The following ASAP1 variants were observed in gnomAD, a reference collection of about 807,000 sequenced individuals.
ASAP1 encodes the protein ArfGAP with SH3 domain, ankyrin repeat and PH domain 1, also known as arf-GAP with SH3 domain, ANK repeat and PH domain-containing protein 1.
A neutral mutation model predicts 145.2 loss-of-function variants in ASAP1; 43 were observed. The ratio of observed to expected loss-of-function variants is 0.30; its 90% CI spans 0.23 to 0.38. The LOEUF (loss-of-function observed/expected upper bound fraction) is 0.38, where lower values mean the gene tolerates loss of function less well. Ranked by LOEUF, ASAP1 falls within the 10% of genes least tolerant of loss-of-function variation. ASAP1 has a pLI of 1.00. For synonymous variants in ASAP1, 546 were observed against 515.5 expected (o/e 1.06, Z -0.80); for missense variants, 1,018 against 1,355.3 (o/e 0.75, Z 3.91).
At chr8:130,394,091 C>T (rs906771495) in intron 2 of ASAP1, among the ~76,000 whole-genome samples, 6 of 152,026 alleles carry the variant, frequency 3.9e-5, no homozygotes, top group Non-Finnish European at 8.8e-5. Flanking sequence ...TGTGTTTGAA[C>T]AATATGAAAT....
intron 3 of ASAP1, among the ~76,000 whole-genome samples, chr8:130,289,818 A>C: frequency 6.6e-6 from 1 of 152,210 alleles, no homozygotes; most frequent in East Asian, 1.9e-4. Flanking sequence ...TGTTTATTAT[A>C]CAACATACCC....
chr8:130,063,780 T>C (rs1393749114), intron 27 of ASAP1, among the ~76,000 whole-genome samples: 2 of 152,130 alleles, frequency 1.3e-5, no homozygotes, highest in Admixed American at 1.3e-4. Flanking sequence ...GGGTTACCAT[T>C]CCACCCCTAT....
chr8:130,154,914 T>C (rs2097655005), intron 12 of ASAP1, among the ~76,000 whole-genome samples: 2 of 152,202 alleles, frequency 1.3e-5, no homozygotes. Flanking sequence ...AATGTCTGAT[T>C]AGAGGTGGCA....
intron 11 of ASAP1, among the ~76,000 whole-genome samples, chr8:130,160,476 T>A (rs759022655): frequency 6.6e-6 from 1 of 152,250 alleles, no homozygotes; most frequent in Non-Finnish European, 1.5e-5. Flanking sequence ...CATTTTGTAA[T>A]TAGTGCTCTG....
intron 12 of ASAP1, among the ~76,000 whole-genome samples, chr8:130,159,438 T>G (rs1310383054): frequency 6.6e-6 from 1 of 151,012 alleles, no homozygotes; most frequent in Admixed American, 6.6e-5. Context: ...CTGGCTAACA[T>G]GGTGAAATCT....
At position 130,092,046 on chromosome 8, in the gene ASAP1, T is replaced by A. The variant is rs757255411; in HGVS notation, c.2499A>T (p.Gly833=). The change falls in exon 25 of 30, where the codon GGA becomes GGT. Residue 833 remains glycine (G), a synonymous_variant. Coordinates refer to ENST00000518721, the MANE Select transcript of ASAP1 (RefSeq NM_018482.4). ...SKKRPPPPPP[G]HKRTLSDPPS... is the part of the protein sequence containing the mutation. Reference sequence around the variant, plus strand: ...GAGGGTCGGATAGGGTTCTCTTGTGTCCGGGTGGTGGGGGAGGAGGCCTCT... The same window carrying A: ...GAGGGTCGGATAGGGTTCTCTTGTGACCGGGTGGTGGGGGAGGAGGCCTCT... 1.3e-6 allele frequency: 2 copies of A among 1,575,876 alleles called. No individual in the cohort carries two copies. The highest frequency in any genetic ancestry group is 1.7e-6 in the Non-Finnish European group (2 of 1,165,604).
intron 1 of ASAP1, among the ~76,000 whole-genome samples, chr8:130,433,721 T>A (rs1042853014): frequency 6.6e-6 from 1 of 152,212 alleles, no homozygotes; most frequent in Non-Finnish European, 1.5e-5. Context: ...CAAATGAGAA[T>A]TCTTATCTCA....
intron 15 of ASAP1, 45 bp from the exon 16 acceptor site, chr8:130,128,135 G>A: frequency 2.0e-6 from 1 of 500,894 alleles, no homozygotes; most frequent in Non-Finnish European, 2.7e-6. Context: ...ATAAGAGCAT[G>A]GTCATTTTTT....
At chr8:130,306,932 T>TG (rs1228870123) in intron 3 of ASAP1, among the ~76,000 whole-genome samples, 2 of 152,220 alleles carry the variant, frequency 1.3e-5, no homozygotes, top group African/African-American at 4.8e-5. Context: ...TCTGAGTGTC[T>TG]GTACTAGCTC....
intron 12 of ASAP1, among the ~76,000 whole-genome samples, chr8:130,157,960 G>A (rs777323558): frequency 2.0e-5 from 3 of 152,114 alleles, no homozygotes; most frequent in Non-Finnish European, 4.4e-5. Flanking sequence ...ATCAGGGCCA[G>A]ATTTTCTTTT....
chr8:130,181,576 C>T (rs568125412), intron 7 of ASAP1, among the ~76,000 whole-genome samples: 2 of 152,276 alleles, frequency 1.3e-5, no homozygotes, highest in African/African-American at 4.8e-5. Flanking sequence ...TCCAAGAATA[C>T]ATTTTAATCA....
At chr8:130,174,069 CAG>C (rs1287904195) in intron 9 of ASAP1, among the ~76,000 whole-genome samples, 1 of 115,530 alleles carries the variant, frequency 8.7e-6, no homozygotes, top group East Asian at 2.6e-4. Flanking sequence ...ACCTGGGTGA[CAG>C]AGTGGCAAGA....
At chr8:130,332,348 GCCCATCCA>G (rs1182893649) in intron 3 of ASAP1, among the ~76,000 whole-genome samples, 1 of 152,124 alleles carries the variant, frequency 6.6e-6, no homozygotes, top group Non-Finnish European at 1.5e-5. Flanking sequence ...TCACCCAGAA[GCCCATCCA>G]CACCACCTGC....
In ASAP1 at chr8:130,076,988, T is replaced by G. The variant is rs560592119; in HGVS notation, c.2643-582A>C. On this transcript the variant is annotated intron_variant, in intron 26 of 29. Coordinates refer to ENST00000518721, the MANE Select transcript of ASAP1 (RefSeq NM_018482.4). Reference sequence around the variant, plus strand: ...GGCACACTCTAAGTGGTGACCCCAATGTAGTGCACAGAAGTAACTCTTCCC... The same window carrying G: ...GGCACACTCTAAGTGGTGACCCCAAGGTAGTGCACAGAAGTAACTCTTCCC... 3.9e-5 allele frequency among the ~76,000 whole-genome samples: 6 copies of G among 152,310 alleles called. No homozygotes were observed. The East Asian group carries it at 1.2e-3, about 29-fold the overall frequency.
chr8:130,209,928 A>G lies in ASAP1; in HGVS notation c.405+4628T>C, dbSNP rs191453937. 4.6e-5 allele frequency among the ~76,000 whole-genome samples: 7 copies of G among 152,366 alleles called. No homozygotes were observed. The East Asian group carries it at 1.3e-3, about 29-fold the overall frequency. ...ACTGATAGCATTTATTGCTAATGATAAAAACAGAGCTTTCAGTGGAAGCTA... is the reference window on the plus strand; with the variant it reads ...ACTGATAGCATTTATTGCTAATGATGAAAACAGAGCTTTCAGTGGAAGCTA... On this transcript the variant is annotated intron_variant, in intron 5 of 29. Transcript: ENST00000518721.
At chr8:130,308,951 C>T (rs905955897) in intron 3 of ASAP1, among the ~76,000 whole-genome samples, 8 of 152,290 alleles carry the variant, frequency 5.3e-5, no homozygotes, top group Non-Finnish European at 1.0e-4. Context: ...GAGTCTACAA[C>T]TATCACGGGC....
At chr8:130,422,031 G>C (rs952568044) in intron 1 of ASAP1, among the ~76,000 whole-genome samples, 2 of 152,216 alleles carry the variant, frequency 1.3e-5, no homozygotes, top group Non-Finnish European at 2.9e-5. Flanking sequence ...CAAGGTAGAG[G>C]GGGTGGGCAC....
At position 130,089,742 on chromosome 8, in the gene ASAP1, C is replaced by T. The variant is rs572423219; in HGVS notation, c.2572+2231G>A. Among the ~76,000 whole-genome samples the T allele has an allele frequency of 6.6e-5, 10 of 152,232 alleles. No homozygotes were observed. The South Asian group carries it at 1.9e-3, about 28-fold the overall frequency. On this transcript the variant is annotated intron_variant, in intron 25 of 29. Transcript: ENST00000518721. The stretch of plus-strand genomic sequence containing the variant: ...GAAGTCCAGCCGTGTATGAATGCAC[C>T]CACACATACATGCCCATTACTGACC...
intron 1 of ASAP1, among the ~76,000 whole-genome samples, chr8:130,437,067 T>C (rs928798164): frequency 2.1e-5 from 3 of 142,406 alleles, no homozygotes; most frequent in Non-Finnish European, 3.0e-5. Context: ...ATCACACCAC[T>C]GCACTCCAGC....
Sources: gnomAD v4.1 joint callset for allele counts (sites outside exome capture counted in the v4.1 genomes callset) on GRCh38, gnomAD v4.1.1 for gene constraint, MANE v1.5 for transcripts, NCBI Gene and HGNC (gene_info 2026-07-23, HGNC 2026-07-21) for gene names.